PTPRD: variants seen among roughly 807,000 people sequenced by gnomAD.
The protein encoded by PTPRD is protein tyrosine phosphatase receptor type D.
PTPRD carries 34 observed loss-of-function variants against 214.5 expected under a neutral mutation model. The observed-to-expected ratio is 0.16, with a 90% CI of 0.12 to 0.21. The LOEUF (loss-of-function observed/expected upper bound fraction) is 0.21. PTPRD is among the 10% of genes least tolerant of loss of function. The probability of loss-of-function intolerance (pLI) is 1.00; values close to 1 mark genes in which losing one functional copy is unlikely to be tolerated. For synonymous variants in PTPRD, 1,128 were observed against 845.7 expected, an observed-to-expected ratio of 1.33 and a Z score of -5.79; for missense variants, 2,545 against 2,398.7, an observed-to-expected ratio of 1.06 and a Z score of -1.27.
chr9:9,422,729 C>T (rs1403535361), intron 8 of PTPRD, among the ~76,000 whole-genome samples: 7 of 151,986 alleles, frequency 4.6e-5, no homozygotes, highest in East Asian at 1.9e-4. Flanking sequence ...AAGATAGCTA[C>T]GAATTGAGGG....
chr9:9,739,193 C>T (rs1335285938), intron 6 of PTPRD, among the ~76,000 whole-genome samples: 2 of 152,144 alleles, frequency 1.3e-5, no homozygotes, highest in Non-Finnish European at 2.9e-5. Flanking sequence ...TGCATTCACG[C>T]ATTTACCAAG....
At chr9:10,555,357 A>G (rs903989584) in intron 2 of PTPRD, among the ~76,000 whole-genome samples, 2 of 152,236 alleles carry the variant, frequency 1.3e-5, no homozygotes, top group Non-Finnish European at 2.9e-5. Context: ...ATATACCTAA[A>G]AAATGGTTAT....
At chr9:9,201,000 C>T (rs1444381822) in intron 9 of PTPRD, among the ~76,000 whole-genome samples, 3 of 152,002 alleles carry the variant, frequency 2.0e-5, no homozygotes, top group East Asian at 1.9e-4. Context: ...TTCTAAACAC[C>T]GTTTTACTGA....
intron 21 of PTPRD, among the ~76,000 whole-genome samples, chr9:8,513,921 TTAAAAG>T (rs1353604109): frequency 6.6e-6 from 1 of 152,112 alleles, no homozygotes; most frequent in Non-Finnish European, 1.5e-5. Flanking sequence ...TCAACATGTA[TTAAAAG>T]TAAAACTATT....
At chr9:9,231,132 G>A (rs1489209344) in intron 9 of PTPRD, among the ~76,000 whole-genome samples, 1 of 152,080 alleles carries the variant, frequency 6.6e-6, no homozygotes, top group Non-Finnish European at 1.5e-5. Flanking sequence ...TTTGGTAACA[G>A]GCTTATATCT....
At chr9:8,539,561 T>C (rs193177090) in intron 14 of PTPRD, among the ~76,000 whole-genome samples, 13 of 152,028 alleles carry the variant, frequency 8.6e-5, no homozygotes, top group African/African-American at 3.1e-4. Context: ...GGAGAAGGCT[T>C]ACAGAAACAA....
At chr9:9,063,212 T>C (rs2099710891) in intron 10 of PTPRD, among the ~76,000 whole-genome samples, 2 of 152,148 alleles carry the variant, frequency 1.3e-5, no homozygotes, top group African/African-American at 2.4e-5. Flanking sequence ...AGGTATCTCA[T>C]CTTTAATATG....
intron 3 of PTPRD, among the ~76,000 whole-genome samples, chr9:10,120,240 A>G (rs1481530414): frequency 1.3e-5 from 2 of 152,080 alleles, no homozygotes; most frequent in Non-Finnish European, 2.9e-5. Context: ...CCCACTAGTC[A>G]TAATAATACA....
intron 35 of PTPRD, among the ~76,000 whole-genome samples, chr9:8,425,992 C>T (rs1484862896): frequency 6.6e-6 from 1 of 152,142 alleles, no homozygotes; most frequent in African/African-American, 2.4e-5. Flanking sequence ...CCTTGTCACC[C>T]TTTACCTTCC....
intron 7 of PTPRD, among the ~76,000 whole-genome samples, chr9:9,663,681 A>G (rs1466690058): frequency 6.6e-6 from 1 of 151,602 alleles, no homozygotes. Flanking sequence ...TAACACCTGA[A>G]TTTGATCTTT....
chr9:9,739,557 A>T (rs756509551), intron 6 of PTPRD, among the ~76,000 whole-genome samples: 2 of 152,078 alleles, frequency 1.3e-5, no homozygotes, highest in East Asian at 3.9e-4. Flanking sequence ...TTTAACTGAC[A>T]TTAGCTTTCC....
intron 3 of PTPRD, among the ~76,000 whole-genome samples, chr9:10,135,066 GA>G (rs2098932121): frequency 6.6e-6 from 1 of 152,074 alleles, no homozygotes; most frequent in African/African-American, 2.4e-5. Context: ...TTCACTACAG[GA>G]ATTCCATAAT....
chr9:10,290,670 A>G (rs2095501416), intron 3 of PTPRD, among the ~76,000 whole-genome samples: 1 of 152,112 alleles, frequency 6.6e-6, no homozygotes, highest in Admixed American at 6.6e-5. Context: ...AGAGCAAAGG[A>G]GATGTGTTAT....
intron 8 of PTPRD, among the ~76,000 whole-genome samples, chr9:9,449,825 C>A (rs1383385452): frequency 6.6e-6 from 1 of 151,794 alleles, no homozygotes; most frequent in East Asian, 1.9e-4. Context: ...GATATTGGTG[C>A]ACTTGCCATC....
intron 11 of PTPRD, among the ~76,000 whole-genome samples, chr9:8,993,556 G>C (rs2099385711): frequency 6.6e-6 from 1 of 152,062 alleles, no homozygotes; most frequent in Non-Finnish European, 1.5e-5. Flanking sequence ...ATGACTAATA[G>C]AATGCAATGA....
intron 7 of PTPRD, among the ~76,000 whole-genome samples, chr9:9,676,032 T>C (rs1594929024): frequency 1.3e-5 from 2 of 152,246 alleles, no homozygotes; most frequent in African/African-American, 4.8e-5. Flanking sequence ...ATATCATTTA[T>C]CACATGAACA....
intron 3 of PTPRD, among the ~76,000 whole-genome samples, chr9:10,302,997 C>T (rs1402258292): frequency 6.6e-6 from 1 of 152,142 alleles, no homozygotes; most frequent in Non-Finnish European, 1.5e-5. Context: ...CTAAAATTAA[C>T]CACATAAGTG....
chr9:9,912,780 AT>A (rs966218800), intron 5 of PTPRD, among the ~76,000 whole-genome samples: 4 of 152,178 alleles, frequency 2.6e-5, no homozygotes, highest in African/African-American at 9.6e-5. Context: ...AGATGTAAAG[AT>A]TTTTTTTCTT....
chr9:10,063,662 CACAATTTGGTA>C (rs2097821859), intron 3 of PTPRD, among the ~76,000 whole-genome samples: 1 of 151,876 alleles, frequency 6.6e-6, no homozygotes, highest in African/African-American at 2.4e-5. Context: ...TACAAATATA[CACAATTTGGTA>C]AATTACGGTG....
Sources: gnomAD v4.1 joint callset for allele counts (sites outside exome capture counted in the v4.1 genomes callset) on GRCh38, gnomAD v4.1.1 for gene constraint, MANE v1.5 for transcripts, NCBI Gene and HGNC (gene_info 2026-07-23, HGNC 2026-07-21) for gene names.